SYT1: variants seen among roughly 807,000 people sequenced by gnomAD.
The protein encoded by SYT1 is synaptotagmin-1.
In SYT1, 8 loss-of-function variants were observed where a neutral mutation model predicts 44.8. The observed-to-expected ratio is 0.18, with a 90% CI of 0.10 to 0.32. SYT1 has a LOEUF of 0.32. SYT1 is among the 10% of genes least tolerant of loss of function. SYT1 has a pLI of 1.00. For synonymous variants in SYT1, 154 were observed against 188.8 expected (o/e 0.82, Z 1.51); for missense variants, 286 against 509.3 (o/e 0.56, Z 4.22).
intron 4 of SYT1, among the ~76,000 whole-genome samples, chr12:79,261,406 A>G (rs2138730205): frequency 6.6e-6 from 1 of 152,322 alleles, no homozygotes; most frequent in East Asian, 1.9e-4. Context: ...CCCATTGTCT[A>G]AGACTTAAAA....
At chr12:79,043,723 C>A (rs1032010391) in intron 2 of SYT1, among the ~76,000 whole-genome samples, 2 of 152,212 alleles carry the variant, frequency 1.3e-5, no homozygotes, top group African/African-American at 2.4e-5. Flanking sequence ...TCCTAGTCTC[C>A]ATGGTCTTTA....
intron 4 of SYT1, among the ~76,000 whole-genome samples, chr12:79,240,483 A>C (rs539095504): frequency 6.6e-6 from 1 of 152,228 alleles, no homozygotes; most frequent in African/African-American, 2.4e-5. Flanking sequence ...GTTTAAAAAG[A>C]AAATGAAAGC....
chr12:79,430,888 T>C (rs1268249908), intron 9 of SYT1, among the ~76,000 whole-genome samples: 1 of 152,216 alleles, frequency 6.6e-6, no homozygotes, highest in Non-Finnish European at 1.5e-5. Context: ...ATTCCCACCA[T>C]GTGCCAGGCT....
chr12:78,968,983 A>G (rs1353903113), intron 1 of SYT1, among the ~76,000 whole-genome samples: 1 of 152,214 alleles, frequency 6.6e-6, no homozygotes, highest in African/African-American at 2.4e-5. Flanking sequence ...TAAGTGTTAT[A>G]AAGAAAATAT....
intron 3 of SYT1, among the ~76,000 whole-genome samples, chr12:79,172,484 T>C (rs1021865012): frequency 1.3e-5 from 2 of 151,968 alleles, no homozygotes; most frequent in African/African-American, 4.8e-5. Context: ...AATTGGAAAA[T>C]ATTAGTTAAA....
At chr12:79,233,274 T>A (rs142836117) in intron 4 of SYT1, among the ~76,000 whole-genome samples, 1 of 152,204 alleles carries the variant, frequency 6.6e-6, no homozygotes, top group Non-Finnish European at 1.5e-5. Context: ...TATTGAAATG[T>A]CCAGAAAATA....
intron 3 of SYT1, among the ~76,000 whole-genome samples, chr12:79,110,881 A>G (rs983940887): frequency 5.9e-5 from 9 of 152,178 alleles, no homozygotes; most frequent in Admixed American, 3.9e-4. Flanking sequence ...CAATAATTTT[A>G]TAATTAAGTA....
At chr12:79,032,254 G>A (rs923990835) in intron 2 of SYT1, among the ~76,000 whole-genome samples, 1 of 151,138 alleles carries the variant, frequency 6.6e-6, no homozygotes. Context: ...ACTGTGAACT[G>A]AAGATTAGTT....
intron 3 of SYT1, among the ~76,000 whole-genome samples, chr12:79,073,220 G>C (rs983296312): frequency 6.6e-6 from 1 of 152,006 alleles, no homozygotes. Context: ...TCCCACCTCA[G>C]CCTCCCTAGT....
At chr12:79,441,506 G>A (rs1321466582) in intron 9 of SYT1, among the ~76,000 whole-genome samples, 1 of 151,966 alleles carries the variant, frequency 6.6e-6, no homozygotes, top group Non-Finnish European at 1.5e-5. Flanking sequence ...GTAGAGATGG[G>A]GTCTCACCAT....
At chr12:79,079,735 A>G (rs895902253) in intron 3 of SYT1, among the ~76,000 whole-genome samples, 29 of 152,246 alleles carry the variant, frequency 1.9e-4, no homozygotes, top group South Asian at 8.3e-4. Flanking sequence ...GAAAGGCCAC[A>G]ATAATTTCAA....
intron 9 of SYT1, among the ~76,000 whole-genome samples, chr12:79,399,234 A>G (rs773952652): frequency 6.7e-5 from 10 of 149,456 alleles, no homozygotes; most frequent in Non-Finnish European, 1.0e-4. Context: ...TAATATTGTT[A>G]TTTTTGATGC....
intron 1 of SYT1, chr12:78,955,357 A>T (rs1411401529): frequency 6.6e-6 from 1 of 152,160 alleles, no homozygotes; most frequent in Non-Finnish European, 1.5e-5. Flanking sequence ...GCATATGCTT[A>T]CTTGTCACAT....
chr12:79,264,242 T>C (rs958462833), intron 4 of SYT1, among the ~76,000 whole-genome samples: 10 of 151,614 alleles, frequency 6.6e-5, no homozygotes, highest in Non-Finnish European at 1.5e-4. Context: ...TGCAGTGGTG[T>C]GCTCTCTGCT....
chr12:79,055,160 A>G (rs559275006), intron 3 of SYT1, among the ~76,000 whole-genome samples: 3 of 152,058 alleles, frequency 2.0e-5, no homozygotes, highest in Non-Finnish European at 4.4e-5. Flanking sequence ...AATATAGGCA[A>G]TGTCTTTGTT....
intron 2 of SYT1, among the ~76,000 whole-genome samples, chr12:78,991,823 C>T (rs1870040612): frequency 6.6e-6 from 1 of 152,072 alleles, no homozygotes; most frequent in East Asian, 1.9e-4. Context: ...CAGAAATGTA[C>T]TCTTTTTGTG....
intron 8 of SYT1, among the ~76,000 whole-genome samples, chr12:79,332,079 C>G (rs527905912): frequency 1.3e-5 from 2 of 152,214 alleles, no homozygotes; most frequent in African/African-American, 4.8e-5. Flanking sequence ...AGTCATTTCT[C>G]ACAAAAATCT....
chr12:79,240,545 A>G (rs1876443686), intron 4 of SYT1, among the ~76,000 whole-genome samples: 1 of 152,198 alleles, frequency 6.6e-6, no homozygotes, highest in Non-Finnish European at 1.5e-5. Flanking sequence ...TTCAAAGGTT[A>G]TATTTTGGTG....
At chr12:79,090,034 A>G (rs2137996225) in intron 3 of SYT1, among the ~76,000 whole-genome samples, 1 of 152,160 alleles carries the variant, frequency 6.6e-6, no homozygotes, top group African/African-American at 2.4e-5. Context: ...CTAACACCCT[A>G]GTGAGATGGA....
Sources: gnomAD v4.1 joint callset for allele counts (sites outside exome capture counted in the v4.1 genomes callset) on GRCh38, gnomAD v4.1.1 for gene constraint, MANE v1.5 for transcripts, NCBI Gene and HGNC (gene_info 2026-07-23, HGNC 2026-07-21) for gene names.